The following MYRIP variants were observed in gnomAD, a reference collection of about 807,000 sequenced individuals.
MYRIP encodes rab effector MyRIP.
In MYRIP, 49 loss-of-function variants were observed where a neutral mutation model predicts 98.0. The observed-to-expected ratio is 0.50, with a 90% CI of 0.40 to 0.63. The LOEUF (loss-of-function observed/expected upper bound fraction) is 0.63, where lower values mean the gene tolerates loss of function less well. Among genes scored for constraint, MYRIP ranks in the 30% least tolerant of loss-of-function variants. The pLI, the probability that MYRIP is intolerant of heterozygous loss-of-function variation, is 0.00. For missense variants in MYRIP, 1,004 were observed against 1,058.2 expected, an observed-to-expected ratio of 0.95 and a Z score of 0.71; for synonymous variants, 404 against 409.5, an observed-to-expected ratio of 0.99 and a Z score of 0.16.
In MYRIP at chr3:40,258,987, A is replaced by G. The variant is rs1221099595; in HGVS notation, c.*821A>G. On this transcript the variant is annotated 3_prime_UTR_variant, in exon 17 of 17. Transcript: ENST00000302541. ...TAGGGCACTGTCCAGAGTCAACATG[A>G]TGTGGTTTAGCAGTGATCACATCTA... The G allele has an allele frequency of 1.3e-5, 2 of 152,214 alleles. No homozygotes were observed. Among genetic ancestry groups the G allele is most frequent in the Admixed American group, 6.5e-5 (1 of 15,280 alleles). 9.4% of individuals were successfully genotyped at this position (152,214 alleles called of 1,614,324 possible). A position where few individuals can be genotyped will look rare whatever the true frequency, so the allele number is the denominator to read the frequency against.
intron 2 of MYRIP, among the ~76,000 whole-genome samples, chr3:40,021,928 C>T (rs1323009483): frequency 6.6e-6 from 1 of 152,108 alleles, no homozygotes. Context: ...TCCTATGGTG[C>T]TTAGTTTCAG....
intron 1 of MYRIP, among the ~76,000 whole-genome samples, chr3:39,881,858 C>G (rs985156002): frequency 1.8e-4 from 28 of 151,986 alleles, no homozygotes; most frequent in African/African-American, 6.5e-4. Flanking sequence ...TACGTACTTC[C>G]ATCTTTTAAA....
intron 2 of MYRIP, among the ~76,000 whole-genome samples, chr3:39,971,001 A>G (rs1249652800): frequency 6.6e-6 from 1 of 152,154 alleles, no homozygotes; most frequent in Non-Finnish European, 1.5e-5. Context: ...AGATACCTAG[A>G]GAAGGAGTAA....
At chr3:40,242,676 C>T (rs1275903954) in intron 12 of MYRIP, among the ~76,000 whole-genome samples, 1 of 152,080 alleles carries the variant, frequency 6.6e-6, no homozygotes, top group African/African-American at 2.4e-5. Context: ...TAAATTATTT[C>T]GTTTCACTTA....
intron 2 of MYRIP, among the ~76,000 whole-genome samples, chr3:39,957,546 T>C (rs1945200161): frequency 6.6e-6 from 1 of 152,134 alleles, no homozygotes. Flanking sequence ...ATAAGAGCTA[T>C]TTATGACAAA....
chr3:39,833,823 C>T (rs1252157431), intron 1 of MYRIP, among the ~76,000 whole-genome samples: 3 of 152,102 alleles, frequency 2.0e-5, no homozygotes, highest in Non-Finnish European at 2.9e-5. Flanking sequence ...GAGTTCAAGA[C>T]CAGCCTGGCC....
intron 10 of MYRIP, among the ~76,000 whole-genome samples, chr3:40,199,563 G>T (rs536083130): frequency 6.6e-6 from 1 of 152,212 alleles, no homozygotes; most frequent in Non-Finnish European, 1.5e-5. Context: ...GAGAACACTG[G>T]GGCTCCAGAA....
chr3:40,140,946 C>T (rs1042456940), intron 3 of MYRIP, among the ~76,000 whole-genome samples: 3 of 152,224 alleles, frequency 2.0e-5, no homozygotes, highest in African/African-American at 7.2e-5. Flanking sequence ...TTAAAATATA[C>T]AATTAAATTA....
At chr3:40,256,692 A>AACTT (rs1415610663) in intron 16 of MYRIP, among the ~76,000 whole-genome samples, 1 of 152,324 alleles carries the variant, frequency 6.6e-6, no homozygotes, top group African/African-American at 2.4e-5. Context: ...AGCAAAAACT[A>AACTT]ACTTAAGAAA....
intron 1 of MYRIP, among the ~76,000 whole-genome samples, chr3:39,875,670 C>T (rs1479743668): frequency 2.6e-5 from 4 of 151,078 alleles, no homozygotes; most frequent in Non-Finnish European, 4.4e-5. Context: ...TTTCTTAATC[C>T]TGAGTTCTAG....
chr3:40,120,280 T>G (rs972661770), intron 3 of MYRIP, among the ~76,000 whole-genome samples: 2 of 152,210 alleles, frequency 1.3e-5, no homozygotes, highest in African/African-American at 4.8e-5. Context: ...TTGCCTAATA[T>G]TCACAGTAAT....
chr3:39,990,140 T>C (rs1946138581), intron 2 of MYRIP, among the ~76,000 whole-genome samples: 2 of 152,224 alleles, frequency 1.3e-5, no homozygotes, highest in East Asian at 3.8e-4. Flanking sequence ...GACTCATGAG[T>C]TGGATCTTCC....
rs957858957 is a variant in MYRIP at position 39,839,846 on chromosome 3, T to C, written c.-31+29930T>C. Among the ~76,000 whole-genome samples the C allele has an allele frequency of 5.9e-5, 9 of 152,198 alleles. 1 individual carries two copies. Among genetic ancestry groups the C allele is most frequent in the Non-Finnish European group, 1.3e-4 (9 of 68,034 alleles). On this transcript the variant is annotated intron_variant, in intron 1 of 16. Transcript: ENST00000302541. ...TGCACTGTGGTCTGAGAGACTATTATGGTTTCCGTTCCTTTACATTTGCTG... is the reference window on the plus strand; with the variant it reads ...TGCACTGTGGTCTGAGAGACTATTACGGTTTCCGTTCCTTTACATTTGCTG...
chr3:40,209,755 A>G (rs1442355888), intron 10 of MYRIP, 99 bp from the exon 11 acceptor site: 4 of 1,495,542 alleles, frequency 2.7e-6, no homozygotes, highest in Non-Finnish European at 3.6e-6. Context: ...TTCCTAGACT[A>G]TATGTTCCTA....
At chr3:40,199,917 G>A (rs564369980) in intron 10 of MYRIP, among the ~76,000 whole-genome samples, 95 of 151,860 alleles carry the variant, frequency 6.3e-4, no homozygotes, top group African/African-American at 2.3e-3. Context: ...CACGTCCACA[G>A]CAGCCCAGCA....
At chr3:39,953,783 C>T (rs760367186) in intron 2 of MYRIP, among the ~76,000 whole-genome samples, 4 of 152,094 alleles carry the variant, frequency 2.6e-5, no homozygotes, top group Non-Finnish European at 4.4e-5. Flanking sequence ...CAAGGGAAGC[C>T]GTGACAGATG....
At chr3:40,078,059 C>T (rs548020535) in intron 3 of MYRIP, among the ~76,000 whole-genome samples, 4 of 152,240 alleles carry the variant, frequency 2.6e-5, no homozygotes, top group African/African-American at 7.2e-5. Context: ...CTGCAGGTCC[C>T]GAGCCCTGCC....
chr3:39,903,320 G>C (rs974909256), intron 2 of MYRIP, among the ~76,000 whole-genome samples: 30 of 152,156 alleles, frequency 2.0e-4, no homozygotes, highest in Non-Finnish European at 5.9e-5. Context: ...ATTATAGAAA[G>C]TATTTTCCTT....
intron 12 of MYRIP, among the ~76,000 whole-genome samples, chr3:40,240,431 G>A (rs1240815852): frequency 1.3e-5 from 2 of 152,204 alleles, no homozygotes; most frequent in East Asian, 1.9e-4. Flanking sequence ...GTCAGTGGGT[G>A]CGCACACTGT....
Sources: allele counts gnomAD v4.1 joint callset (sites outside exome capture counted in the v4.1 genomes callset), GRCh38; gene constraint gnomAD v4.1.1; transcripts MANE v1.5; gene names NCBI Gene and HGNC (gene_info 2026-07-23, HGNC 2026-07-21).